NRXN3: variants seen among roughly 807,000 people sequenced by gnomAD.
NRXN3 encodes neurexin III.
A neutral mutation model predicts 137.6 loss-of-function variants in NRXN3; 32 were observed. The ratio of observed to expected loss-of-function variants is 0.23; its 90% CI spans 0.18 to 0.31. The LOEUF (loss-of-function observed/expected upper bound fraction) is 0.31. Ranked by LOEUF, NRXN3 falls within the 10% of genes least tolerant of loss-of-function variation. The pLI is 1.00. For missense variants in NRXN3, 1,574 were observed against 2,062.5 expected, an observed-to-expected ratio of 0.76 and a Z score of 4.59; for synonymous variants, 798 against 784.5, an observed-to-expected ratio of 1.02 and a Z score of -0.29.
chr14:78,517,733 G>GA (rs1373532847), intron 4 of NRXN3, among the ~76,000 whole-genome samples: 1 of 152,116 alleles, frequency 6.6e-6, no homozygotes, highest in Non-Finnish European at 1.5e-5. Context: ...ACACGATAAA[G>GA]AAAAGTACTC....
intron 15 of NRXN3, among the ~76,000 whole-genome samples, chr14:79,070,763 A>G (rs2099686608): frequency 6.6e-6 from 1 of 152,220 alleles, no homozygotes; most frequent in Non-Finnish European, 1.5e-5. Flanking sequence ...CCTAATAAGA[A>G]TTATTATAAC....
At chr14:79,315,786 C>G (rs2088484288) in intron 15 of NRXN3, among the ~76,000 whole-genome samples, 1 of 152,050 alleles carries the variant, frequency 6.6e-6, no homozygotes. Context: ...TTAGCCTAGC[C>G]AGAACGAGCT....
intron 15 of NRXN3, among the ~76,000 whole-genome samples, chr14:79,328,880 C>G (rs922850664): frequency 6.6e-6 from 1 of 152,214 alleles, no homozygotes; most frequent in African/African-American, 2.4e-5. Flanking sequence ...AACAAACACT[C>G]TCTTCCTTTG....
chr14:79,562,475 T>A (rs138473017), intron 16 of NRXN3, among the ~76,000 whole-genome samples: 1 of 152,294 alleles, frequency 6.6e-6, no homozygotes, highest in Non-Finnish European at 1.5e-5. Context: ...ACCAGTCTGT[T>A]GTATCATATA....
chr14:79,623,937 C>G (rs1452279114), intron 16 of NRXN3, among the ~76,000 whole-genome samples: 1 of 119,182 alleles, frequency 8.4e-6, no homozygotes, highest in African/African-American at 3.4e-5. Context: ...AATCATTCTT[C>G]TTCCACTACC....
At chr14:78,214,406 G>T (rs148959226) in intron 1 of NRXN3, among the ~76,000 whole-genome samples, 22 of 152,268 alleles carry the variant, frequency 1.4e-4, no homozygotes, top group Middle Eastern at 3.4e-3. Context: ...GGTGGCATTT[G>T]TTACAGTCAC....
At chr14:79,632,083 A>G (rs949063924) in intron 16 of NRXN3, among the ~76,000 whole-genome samples, 2 of 152,094 alleles carry the variant, frequency 1.3e-5, no homozygotes, top group Non-Finnish European at 1.5e-5. Flanking sequence ...CACTCTTTAC[A>G]ATAAATCTTG....
At chr14:79,573,292 G>T (rs1425699907) in intron 16 of NRXN3, among the ~76,000 whole-genome samples, 2 of 152,110 alleles carry the variant, frequency 1.3e-5, no homozygotes, top group African/African-American at 4.8e-5. Context: ...GGAATGCAGT[G>T]GGTGATGTAA....
At chr14:79,654,724 G>A (rs2098496919) in intron 16 of NRXN3, among the ~76,000 whole-genome samples, 1 of 152,098 alleles carries the variant, frequency 6.6e-6, no homozygotes, top group Admixed American at 6.5e-5. Context: ...TCTGAAATGT[G>A]TATATTAATT....
intron 19 of NRXN3, among the ~76,000 whole-genome samples, chr14:79,756,832 T>C (rs1265865552): frequency 2.6e-5 from 4 of 152,274 alleles, no homozygotes; most frequent in East Asian, 3.9e-4. Context: ...ATATAAAAAC[T>C]GGCTTTACTA....
intron 4 of NRXN3, among the ~76,000 whole-genome samples, chr14:78,560,482 A>T (rs2096776455): frequency 6.6e-6 from 1 of 152,180 alleles, no homozygotes; most frequent in Admixed American, 6.5e-5. Flanking sequence ...CTTTTTAATT[A>T]AACTGTTGTT....
At chr14:78,347,033 T>C (rs969005393) in intron 4 of NRXN3, among the ~76,000 whole-genome samples, 6 of 152,160 alleles carry the variant, frequency 3.9e-5, no homozygotes, top group African/African-American at 1.4e-4. Flanking sequence ...ACAATTTGAA[T>C]AAGTTATCAA....
chr14:79,066,441 C>CT (rs1234906209), intron 15 of NRXN3, among the ~76,000 whole-genome samples: 1 of 152,010 alleles, frequency 6.6e-6, no homozygotes, highest in Non-Finnish European at 1.5e-5. Context: ...CAGCTTTGTT[C>CT]TTTTTGCTTA....
chr14:78,725,457 G>C (rs1023828718), intron 8 of NRXN3, among the ~76,000 whole-genome samples: 2 of 152,204 alleles, frequency 1.3e-5, no homozygotes, highest in African/African-American at 4.8e-5. Flanking sequence ...TGCTCAGCAG[G>C]ATCTCATCTC....
intron 4 of NRXN3, among the ~76,000 whole-genome samples, chr14:78,457,523 G>C (rs1372487848): frequency 1.3e-5 from 2 of 152,144 alleles, no homozygotes; most frequent in African/African-American, 4.8e-5. Flanking sequence ...GGATCAGGTA[G>C]TACTGAGGGT....
intron 18 of NRXN3, among the ~76,000 whole-genome samples, chr14:79,697,143 G>GCTAATTTAATT (rs1359279525): frequency 6.6e-6 from 1 of 151,952 alleles, no homozygotes; most frequent in African/African-American, 2.4e-5. Context: ...TTTAATTTCA[G>GCTAATTTAATT]CTAATTTAAT....
chr14:78,729,598 A>G (rs1382544689), intron 8 of NRXN3, among the ~76,000 whole-genome samples: 1 of 152,222 alleles, frequency 6.6e-6, no homozygotes, highest in Non-Finnish European at 1.5e-5. Context: ...GAAGAGCATG[A>G]AATGAGTACA....
chr14:79,088,560 G>T (rs2048568676), intron 15 of NRXN3, among the ~76,000 whole-genome samples: 1 of 152,004 alleles, frequency 6.6e-6, no homozygotes, highest in Admixed American at 6.6e-5. Flanking sequence ...AAATTTCTTG[G>T]ATTTTCCCTA....
intron 10 of NRXN3, among the ~76,000 whole-genome samples, chr14:78,837,217 GTCTC>G (rs937390456): frequency 6.6e-6 from 1 of 152,104 alleles, no homozygotes; most frequent in African/African-American, 2.4e-5. Context: ...TAAATCTAAA[GTCTC>G]TCTCTCTTTC....
Sources: gnomAD v4.1 joint callset for allele counts (sites outside exome capture counted in the v4.1 genomes callset) on GRCh38, gnomAD v4.1.1 for gene constraint, MANE v1.5 for transcripts, NCBI Gene and HGNC (gene_info 2026-07-23, HGNC 2026-07-21) for gene names.